The following EHHADH variants were observed in gnomAD, a reference collection of about 807,000 sequenced individuals.
The protein encoded by EHHADH is enoyl-CoA hydratase and 3-hydroxyacyl CoA dehydrogenase.
In EHHADH, 48 loss-of-function variants were observed where a neutral mutation model predicts 64.4. That is an observed-to-expected ratio of 0.75 (90% CI 0.59 to 0.95). The LOEUF (loss-of-function observed/expected upper bound fraction) is 0.95. Among genes scored for constraint, EHHADH ranks in the 40% least tolerant of loss-of-function variants. EHHADH has a pLI of 0.00. For synonymous variants in EHHADH, 308 were observed against 326.7 expected (o/e 0.94, Z 0.62); for missense variants, 854 against 876.6 (o/e 0.97, Z 0.33).
Position 185,192,334 on chromosome 3 carries a change from A to G in EHHADH, c.2064T>C (p.Asp688=), listed in dbSNP as rs747800640. The G allele has an allele frequency of 1.2e-6, 2 of 1,614,194 alleles. No homozygotes were observed. The highest frequency in any genetic ancestry group is 8.5e-7 in the Non-Finnish European group (1 of 1,180,028). ...KLQKYYRQNP[D]IPQLEPSDYL... is the part of the protein sequence containing the mutation. ...AGTCACTTGGCTCCAGTTGGGGAAT[A>G]TCAGGGTTCTGCCTGTAATATTTCT... Residue 688 remains aspartate (D), a synonymous_variant, in exon 7 of 7, where the codon GAT becomes GAC. Coordinates refer to ENST00000231887, the MANE Select transcript of EHHADH (RefSeq NM_001966.4).
intron 6 of EHHADH, among the ~76,000 whole-genome samples, chr3:185,196,665 A>G (rs1208274865): frequency 6.6e-6 from 1 of 152,144 alleles, no homozygotes; most frequent in African/African-American, 2.4e-5. Context: ...AAATAATGAT[A>G]CATACTATAA....
In EHHADH at chr3:185,192,078, T is replaced by C; in HGVS notation, c.*148A>G. 1 of 918,938 alleles carries C rather than the reference T, an allele frequency of 1.1e-6. No individual in the cohort carries two copies. The highest frequency in any genetic ancestry group is 1.6e-6 in the Non-Finnish European group (1 of 619,636). The allele number at this position is 918,938 out of a possible 1,614,324, so 56.9% of individuals were successfully genotyped here. ...AAGCACATTCCTAAAGATTTGACCATTAGAGTCGTTACACAGAAGATTCTA... is the reference window on the plus strand; with the variant it reads ...AAGCACATTCCTAAAGATTTGACCACTAGAGTCGTTACACAGAAGATTCTA... On this transcript the variant is annotated 3_prime_UTR_variant, in exon 7 of 7. Transcript: ENST00000231887.
At position 185,193,345 on chromosome 3, in the gene EHHADH, C is replaced by T. The variant is rs752775072; in HGVS notation, c.1053G>A (p.Met351Ile). The change falls in exon 7 of 7, where the codon ATG becomes ATA. Residue 351 changes from methionine (M) to isoleucine (I), a missense_variant. By Grantham distance (10) the Met-to-Ile change is conservative. Coordinates refer to ENST00000231887, the MANE Select transcript of EHHADH (RefSeq NM_001966.4). Reference sequence around the variant, plus strand: ...CTGACCAAGGGTGGCCGCTCTGTTGCATTTTGGAGGCTTCTTTTTCCAAGA... The same window carrying T: ...CTGACCAAGGGTGGCCGCTCTGTTGTATTTTGGAGGCTTCTTTTTCCAAGA... ...TSVLEKEASK[M>I]QQSGHPWSGP... 3 of 1,613,932 alleles carry T rather than the reference C, an allele frequency of 1.9e-6. No homozygotes were observed. Among genetic ancestry groups the T allele is most frequent in the Non-Finnish European group, 2.5e-6 (3 of 1,179,942 alleles).
chr3:185,237,929 A>G (rs1190785935), intron 2 of EHHADH, among the ~76,000 whole-genome samples: 12 of 151,894 alleles, frequency 7.9e-5, no homozygotes, highest in African/African-American at 2.7e-4. Flanking sequence ...GAAGGTCCCT[A>G]TGTCTATTAC....
intron 2 of EHHADH, chr3:185,248,147 G>C (rs1719646343): frequency 5.6e-6 from 2 of 357,528 alleles, no homozygotes. Context: ...ATGCAATGCA[G>C]GTATATATCA....
At chr3:185,243,720 T>C (rs1719517155) in intron 2 of EHHADH, among the ~76,000 whole-genome samples, 1 of 152,230 alleles carries the variant, frequency 6.6e-6, no homozygotes, top group African/African-American at 2.4e-5. Context: ...TTAGATTTTT[T>C]TGAATTTGTT....
intron 1 of EHHADH, among the ~76,000 whole-genome samples, chr3:185,252,200 G>T (rs1412590221): frequency 6.6e-6 from 1 of 152,092 alleles, no homozygotes; most frequent in East Asian, 1.9e-4. Flanking sequence ...AGGAGATTGA[G>T]ACCATCCTGG....
At chr3:185,194,647 A>AC (rs3072406) in intron 6 of EHHADH, among the ~76,000 whole-genome samples, 140 of 150,478 alleles carry the variant, frequency 9.3e-4, no homozygotes, top group Middle Eastern at 6.8e-3. Context: ...AACAACAACA[A>AC]AAATTAGCCA....
intron 2 of EHHADH, chr3:185,246,404 C>T (rs1388766588): frequency 1.3e-5 from 8 of 599,464 alleles, no homozygotes; most frequent in South Asian, 1.1e-4. Context: ...TTTCTTCTTG[C>T]TCACAGTAGG....
intron 3 of EHHADH, among the ~76,000 whole-genome samples, chr3:185,233,306 G>GA (rs1383546303): frequency 6.6e-6 from 1 of 152,068 alleles, no homozygotes; most frequent in East Asian, 1.9e-4. Flanking sequence ...CATAAATTAA[G>GA]ATGTTAATTG....
At chr3:185,211,497 A>C (rs902725402) in intron 5 of EHHADH, among the ~76,000 whole-genome samples, 29 of 152,216 alleles carry the variant, frequency 1.9e-4, no homozygotes, top group African/African-American at 7.0e-4. Context: ...TTCTCTGCCT[A>C]GGCTAAAGAG....
At position 185,204,455 on chromosome 3, in the gene EHHADH, T is replaced by C. The variant is rs1013285934; in HGVS notation, c.871A>G (p.Thr291Ala). The stretch of plus-strand genomic sequence containing the variant: ...GAGGAGACAGGCCGCGCTGATGCTG[T>C]TTTCCACGATGCTCCGGAGGGAGTT... ...WSTPSGASWK[T>A]ASARPVSSVG... Residue 291 changes from threonine (T) to alanine (A), a missense_variant, in exon 6 of 7, where the codon ACA becomes GCA. Physicochemically the swap from Thr to Ala is moderately conservative, Grantham distance 58. Transcript: ENST00000231887. 8 of 1,613,046 alleles carry C rather than the reference T, an allele frequency of 5.0e-6. No individual in the cohort carries two copies. The African/African-American group carries it at 9.3e-5, about 19-fold the overall frequency.
Position 185,218,157 on chromosome 3 carries a change from T to C in EHHADH, c.547A>G (p.Arg183Gly), listed in dbSNP as rs1195296762. 3 of 1,607,012 alleles carry C rather than the reference T, an allele frequency of 1.9e-6. No homozygotes were observed. Among genetic ancestry groups the C allele is most frequent in the Middle Eastern group, 1.7e-4 (1 of 6,044 alleles). ...TTACCTGAAACTCTCTGAGCAAATC[T>C]GATTGCTTCTTCAACCGGGTCTGAG... ...VNSDPVEEAI[R>G]FAQRVSDQPL... Residue 183 changes from arginine to glycine, a missense_variant, in exon 5 of 7, where the codon AGA (arginine) becomes GGA (glycine). Coordinates refer to ENST00000231887, the MANE Select transcript of EHHADH (RefSeq NM_001966.4).
chr3:185,220,588 T>C (rs964000261), intron 4 of EHHADH, among the ~76,000 whole-genome samples: 3 of 152,224 alleles, frequency 2.0e-5, no homozygotes, highest in African/African-American at 7.2e-5. Context: ...ATCTCGTTGT[T>C]CAATGATGCA....
intron 6 of EHHADH, among the ~76,000 whole-genome samples, 154 bp from the exon 7 acceptor site, chr3:185,193,641 C>G (rs1288775882): frequency 6.6e-6 from 1 of 152,162 alleles, no homozygotes; most frequent in Admixed American, 6.5e-5. Context: ...AGACTCTGCA[C>G]TCTCTTAAGT....
At chr3:185,241,217 T>A (rs949654608) in intron 2 of EHHADH, among the ~76,000 whole-genome samples, 4 of 152,210 alleles carry the variant, frequency 2.6e-5, no homozygotes, top group Admixed American at 2.6e-4. Context: ...TTGATGGGCA[T>A]TTGGGTTGGT....
intron 6 of EHHADH, among the ~76,000 whole-genome samples, chr3:185,200,259 T>C (rs1436743102): frequency 6.6e-6 from 1 of 152,166 alleles, no homozygotes; most frequent in African/African-American, 2.4e-5. Context: ...GGAGGATTGG[T>C]TTTGAAGATA....
At chr3:185,238,266 G>A (rs115710053) in intron 2 of EHHADH, among the ~76,000 whole-genome samples, 1,680 of 152,118 alleles carry the variant, frequency 0.011, 35 homozygotes, top group African/African-American at 0.038. Flanking sequence ...TCCTTTGGAC[G>A]GATCCCCAGT....
chr3:185,238,544 G>T (rs1353777231), intron 2 of EHHADH, among the ~76,000 whole-genome samples: 2 of 152,110 alleles, frequency 1.3e-5, no homozygotes, highest in Non-Finnish European at 2.9e-5. Context: ...TTGGCCACTT[G>T]TATGTCTCCT....
Sources: gnomAD v4.1 joint callset for allele counts (sites outside exome capture counted in the v4.1 genomes callset) on GRCh38, gnomAD v4.1.1 for gene constraint, MANE v1.5 for transcripts, NCBI Gene and HGNC (gene_info 2026-07-23, HGNC 2026-07-21) for gene names.